Variants in GNAL observed in about 807,000 individuals in gnomAD.
The protein encoded by GNAL is G protein subunit alpha L, also known as guanine nucleotide-binding protein G(olf) subunit alpha.
In GNAL, 18 loss-of-function variants were observed where a neutral mutation model predicts 55.1. The ratio of observed to expected loss-of-function variants is 0.33; its 90% confidence interval spans 0.23 to 0.48. The LOEUF (loss-of-function observed/expected upper bound fraction) is 0.48, where lower values mean the gene tolerates loss of function less well. Ranked by LOEUF, GNAL falls within the 20% of genes least tolerant of loss-of-function variation. The probability of loss-of-function intolerance (pLI) is 0.99; values close to 1 mark genes in which losing one functional copy is unlikely to be tolerated. For synonymous variants in GNAL, 253 were observed against 237.0 expected (o/e 1.07, Z -0.62); for missense variants, 412 against 614.1 (o/e 0.67, Z 3.48).
chr18:11,755,667 A>G (rs531624991), intron 4 of GNAL, among the ~76,000 whole-genome samples: 1 of 151,926 alleles, frequency 6.6e-6, no homozygotes, highest in Non-Finnish European at 1.5e-5. Flanking sequence ...TGATATCTGT[A>G]GAATTTCTAA....
At chr18:11,866,442 C>T (rs1210348571) in intron 7 of GNAL, among the ~76,000 whole-genome samples, 1 of 150,364 alleles carries the variant, frequency 6.7e-6, no homozygotes, top group Non-Finnish European at 1.5e-5. Flanking sequence ...CCAGCAGAAT[C>T]TGGGTAGGTA....
chr18:11,787,615 G>T (rs183583783), intron 4 of GNAL, among the ~76,000 whole-genome samples: 65 of 152,270 alleles, frequency 4.3e-4, no homozygotes, highest in African/African-American at 1.5e-3. Flanking sequence ...GCCCACGCCT[G>T]TGTAATCCTA....
intron 4 of GNAL, among the ~76,000 whole-genome samples, chr18:11,805,506 A>G (rs781203412): frequency 6.6e-6 from 1 of 151,922 alleles, no homozygotes. Flanking sequence ...TCTACCCCCC[A>G]CCAACCCCCT....
At chr18:11,749,135 A>C (rs2032756633) in intron 1 of GNAL, among the ~76,000 whole-genome samples, 2 of 151,382 alleles carry the variant, frequency 1.3e-5, no homozygotes, top group East Asian at 1.9e-4. Flanking sequence ...CAAAAAAAAA[A>C]AAAAAAAAAA....
intron 4 of GNAL, among the ~76,000 whole-genome samples, chr18:11,768,602 G>GA (rs141852297): frequency 0.041 from 5,390 of 133,044 alleles, 125 homozygotes; most frequent in Middle Eastern, 0.075. Flanking sequence ...ACTCCATCTC[G>GA]AAAAAAAAAA....
intron 1 of GNAL, among the ~76,000 whole-genome samples, chr18:11,741,878 T>C (rs2032583296): frequency 6.6e-6 from 1 of 152,264 alleles, no homozygotes. Context: ...ATATGCAATA[T>C]AAAATGTACC....
At chr18:11,825,696 A>T (rs1363996369) in intron 5 of GNAL, among the ~76,000 whole-genome samples, 1 of 125,096 alleles carries the variant, frequency 8.0e-6, no homozygotes, top group South Asian at 2.8e-4. Flanking sequence ...GCGCCCTTGC[A>T]CTCTGGCCTG....
Position 11,751,445 on chromosome 18 carries a change from G to C in GNAL, c.377-1408G>C. 9.8e-6 allele frequency: 9 copies of C among 921,558 alleles called. No individual in the cohort carries two copies. Among genetic ancestry groups the C allele is most frequent in the Non-Finnish European group, 1.2e-5 (9 of 771,500 alleles). 57.1% of individuals were successfully genotyped at this position (921,558 alleles called of 1,614,324 possible). On this transcript the variant is annotated intron_variant, in intron 1 of 11. Coordinates refer to ENST00000334049, the MANE Select transcript of GNAL (RefSeq NM_182978.4). This position sits in a 1 kb window ranked among gnomAD's most constrained non-coding sequence, Gnocchi z 4.5. ...CTGGAGGTAAAGACAGGAGGCTCGG[G>C]AGGCGGCGACGTGGGCGAGCTGGAA...
intron 4 of GNAL, among the ~76,000 whole-genome samples, chr18:11,767,428 AC>A (rs2033444749): frequency 6.7e-6 from 1 of 150,014 alleles, no homozygotes; most frequent in Non-Finnish European, 1.5e-5. Flanking sequence ...GCCGCTGTGC[AC>A]CCTTTTGCTT....
At chr18:11,793,473 T>C (rs2034290210) in intron 4 of GNAL, among the ~76,000 whole-genome samples, 1 of 152,082 alleles carries the variant, frequency 6.6e-6, no homozygotes, top group Non-Finnish European at 1.5e-5. Context: ...TTCCAGCTAC[T>C]TGGGGGGCTG....
intron 4 of GNAL, among the ~76,000 whole-genome samples, chr18:11,824,384 C>A (rs1376955737): frequency 6.6e-6 from 1 of 151,958 alleles, no homozygotes; most frequent in Non-Finnish European, 1.5e-5. Flanking sequence ...GGGGGACTTT[C>A]CAGAATGATA....
At chr18:11,757,577 A>C (rs1224558043) in intron 4 of GNAL, among the ~76,000 whole-genome samples, 1 of 152,202 alleles carries the variant, frequency 6.6e-6, no homozygotes, top group African/African-American at 2.4e-5. Context: ...ACTTGTCGGC[A>C]TGTGGATATG....
chr18:11,702,114 C>G (rs1442917418), intron 1 of GNAL: 4 of 152,364 alleles, frequency 2.6e-5, no homozygotes, highest in East Asian at 1.9e-4. Context: ...AGTCTGCTAG[C>G]CAGGAGGCCA....
At chr18:11,744,938 G>A (rs7240063) in intron 1 of GNAL, among the ~76,000 whole-genome samples, 5,665 of 152,154 alleles carry the variant, frequency 0.037, 118 homozygotes, top group African/African-American at 0.053. Flanking sequence ...TTCAAACTCC[G>A]GAGCTCAGGC....
chr18:11,799,936 C>G (rs568963522), intron 4 of GNAL, among the ~76,000 whole-genome samples: 2 of 152,208 alleles, frequency 1.3e-5, no homozygotes, highest in South Asian at 2.1e-4. Flanking sequence ...TTTCCCTCCC[C>G]CTGTACGTGT....
chr18:11,760,525 TC>T (rs2033206848), intron 4 of GNAL, among the ~76,000 whole-genome samples: 1 of 152,166 alleles, frequency 6.6e-6, no homozygotes, highest in Admixed American at 6.5e-5. Flanking sequence ...ATGTTTTCCT[TC>T]CAGTATTTTC....
chr18:11,760,118 C>A (rs553530631), intron 4 of GNAL, among the ~76,000 whole-genome samples: 5 of 152,202 alleles, frequency 3.3e-5, no homozygotes, highest in Non-Finnish European at 7.4e-5. Context: ...CCCCGCAGCT[C>A]GCTCTTGGAG....
At chr18:11,838,100 C>T (rs2035535951) in intron 5 of GNAL, among the ~76,000 whole-genome samples, 1 of 152,122 alleles carries the variant, frequency 6.6e-6, no homozygotes, top group Non-Finnish European at 1.5e-5. Context: ...CACTGCACTC[C>T]AGCCTAGGTG....
At chr18:11,786,436 CTTTTTTTT>C (rs66803403) in intron 4 of GNAL, among the ~76,000 whole-genome samples, 6 of 60,682 alleles carry the variant, frequency 9.9e-5, no homozygotes, top group Admixed American at 5.7e-4. Flanking sequence ...CATACGTTTT[CTTTTTTTT>C]TTTTTTTTTT....
Sources: gnomAD v4.1 joint callset for allele counts (sites outside exome capture counted in the v4.1 genomes callset) on GRCh38, gnomAD v4.1.1 for gene constraint, Gnocchi (gnomAD v3.1) non-coding constraint, MANE v1.5 for transcripts, NCBI Gene and HGNC (gene_info 2026-07-23, HGNC 2026-07-21) for gene names.